The following FYTTD1 variants were observed in gnomAD, a reference collection of about 807,000 sequenced individuals.
The protein encoded by FYTTD1 is UAP56-interacting factor.
In FYTTD1, 22 loss-of-function variants were observed where a neutral mutation model predicts 40.9. The observed-to-expected ratio is 0.54, with a 90% CI of 0.38 to 0.77. The LOEUF (loss-of-function observed/expected upper bound fraction) is 0.77, where lower values mean the gene tolerates loss of function less well. Among genes scored for constraint, FYTTD1 ranks in the 30% least tolerant of loss-of-function variants. FYTTD1 has a pLI of 0.00. For synonymous variants in FYTTD1, 140 were observed against 137.9 expected, an observed-to-expected ratio of 1.01 and a Z score of -0.10; for missense variants, 351 against 392.2, an observed-to-expected ratio of 0.90 and a Z score of 0.89.
At chr3:197,781,206 C>T (rs1032907597) in intron 8 of FYTTD1, among the ~76,000 whole-genome samples, 6 of 151,438 alleles carry the variant, frequency 4.0e-5, no homozygotes, top group East Asian at 1.9e-4. Flanking sequence ...CCCAGCTACT[C>T]GGGAGGCTGA....
chr3:197,758,883 G>A (rs932950759), intron 2 of FYTTD1, among the ~76,000 whole-genome samples: 4 of 152,188 alleles, frequency 2.6e-5, no homozygotes, highest in South Asian at 2.1e-4. Context: ...GCAGATCCGC[G>A]GTATGATTTC....
At chr3:197,753,384 A>G (rs1327601682) in intron 1 of FYTTD1, among the ~76,000 whole-genome samples, 2 of 152,216 alleles carry the variant, frequency 1.3e-5, no homozygotes, top group East Asian at 3.8e-4. Context: ...TTAAGTGAAT[A>G]CATGTCAGAA....
chr3:197,776,236 C>T lies in FYTTD1; in HGVS notation c.657-691C>T, dbSNP rs1193319125. Among the ~76,000 whole-genome samples the T allele has an allele frequency of 8.2e-5, 12 of 146,744 alleles. No individual in the cohort carries two copies. The East Asian group carries it at 9.9e-4, about 12-fold the overall frequency. On this transcript the variant is annotated intron_variant, in intron 6 of 8. Coordinates refer to ENST00000241502, the MANE Select transcript of FYTTD1 (RefSeq NM_032288.7). ...TTTTTTTTTTTTTGAGATGGAGTCT[C>T]GCTCTGTTGCCCAGGCTGGAGCGCA...
chr3:197,765,131 G>A (rs932360848), intron 2 of FYTTD1, among the ~76,000 whole-genome samples: 1 of 152,114 alleles, frequency 6.6e-6, no homozygotes, highest in Non-Finnish European at 1.5e-5. Flanking sequence ...GGAATTACAG[G>A]CGTGAGCCAC....
In FYTTD1 at chr3:197,770,209, A is replaced by G. The variant is rs753143947; in HGVS notation, c.462A>G (p.Val154=). 2.5e-6 allele frequency: 4 copies of G among 1,612,532 alleles called. No individual in the cohort carries two copies. In the East Asian group the frequency reaches 8.9e-5, roughly 36 times the overall value. Residue 154 remains valine (V), a synonymous_variant, in exon 4 of 9, where the codon GTA becomes GTG. Transcript: ENST00000241502. ...AAAATGAAGGGCAGAGGAAACCAGT[A>G]GCAGTTCTCAAGAGACCTAGCCAGC... ...LRQNEGQRKP[V]AVLKRPSQLS...
intron 2 of FYTTD1, among the ~76,000 whole-genome samples, chr3:197,758,493 G>A (rs1226164951): frequency 6.6e-6 from 1 of 152,180 alleles, no homozygotes; most frequent in Admixed American, 6.5e-5. Flanking sequence ...TGTTGTAAGA[G>A]AAATTCAAAT....
At chr3:197,765,804 G>C (rs1184381455) in intron 2 of FYTTD1, among the ~76,000 whole-genome samples, 1 of 151,932 alleles carries the variant, frequency 6.6e-6, no homozygotes. Flanking sequence ...AGACTATCCT[G>C]GCTAACACAG....
intron 1 of FYTTD1, 139 bp downstream of exon 1, chr3:197,750,213 C>T (rs1407712550): frequency 2.4e-5 from 20 of 835,828 alleles, no homozygotes; most frequent in East Asian, 3.4e-5. Flanking sequence ...CGAGCGGAGG[C>T]CCGGAGGACA....
At chr3:197,768,408 G>T in intron 2 of FYTTD1, 31 bp from the exon 3 acceptor site, 1 of 1,505,808 alleles carries the variant, frequency 6.6e-7, no homozygotes, top group South Asian at 1.3e-5. Context: ...TTGTTAAATT[G>T]ACATTTTCTT....
chr3:197,762,338 C>T (rs112716031), intron 2 of FYTTD1, among the ~76,000 whole-genome samples: 9,691 of 152,008 alleles, frequency 0.064, 651 homozygotes, highest in African/African-American at 0.17. Context: ...CGCCTGTAAT[C>T]CCAGCACTTT....
At chr3:197,758,144 C>G (rs898558342) in intron 2 of FYTTD1, among the ~76,000 whole-genome samples, 2 of 151,408 alleles carry the variant, frequency 1.3e-5, no homozygotes, top group East Asian at 3.9e-4. Flanking sequence ...CTCAGGTGAT[C>G]CACCTGCCTC....
At position 197,768,512 on chromosome 3, in the gene FYTTD1, T is replaced by G; in HGVS notation, c.309T>G (p.Thr103=). Residue 103 remains threonine (T), a synonymous_variant, in exon 3 of 9, where the codon ACT becomes ACG. Coordinates refer to ENST00000241502, the MANE Select transcript of FYTTD1 (RefSeq NM_032288.7). ...AGAGACGTCCTAATGGAGTTATCAC[T>G]GGCCTTGCAGCTAGGAAAACGACTG... ...PGKRRPNGVI[T]GLAARKTTGI... 6.2e-7 allele frequency: 1 copy of G among 1,613,446 alleles called. No individual in the cohort carries two copies. Among genetic ancestry groups the G allele is most frequent in the East Asian group, 2.2e-5 (1 of 44,848 alleles).
At chr3:197,750,203 C>A in intron 1 of FYTTD1, 129 bp downstream of exon 1, 1 of 859,956 alleles carries the variant, frequency 1.2e-6, no homozygotes, top group Non-Finnish European at 1.7e-6. Context: ...TGGGCGGACC[C>A]GAGCGGAGGC....
At chr3:197,778,819 G>A (rs148920293) in intron 8 of FYTTD1, among the ~76,000 whole-genome samples, 28 of 152,174 alleles carry the variant, frequency 1.8e-4, no homozygotes, top group African/African-American at 5.8e-4. Flanking sequence ...TTCAGTCCTC[G>A]GATATTAGGA....
intron 7 of FYTTD1, among the ~76,000 whole-genome samples, chr3:197,777,898 A>G (rs1378214090): frequency 6.6e-6 from 1 of 151,554 alleles, no homozygotes; most frequent in African/African-American, 2.4e-5. Context: ...TTTTGTACAG[A>G]TGGGGGTCTT....
At chr3:197,761,046 G>GGTAGAATGTATAGAGTTGTTCTTCAATA in intron 2 of FYTTD1, among the ~76,000 whole-genome samples, 1 of 147,526 alleles carries the variant, frequency 6.8e-6, no homozygotes, top group African/African-American at 2.6e-5. Flanking sequence ...GTTCTTCAGT[G>GGTAGAATGTATAGAGTTGTTCTTCAATA]GTAGAATGTA....
intron 4 of FYTTD1, among the ~76,000 whole-genome samples, chr3:197,772,100 A>G (rs1453148392): frequency 6.6e-6 from 1 of 152,196 alleles, no homozygotes; most frequent in Non-Finnish European, 1.5e-5. Context: ...TCAAAAAAAT[A>G]AAAATAAAAA....
intron 2 of FYTTD1, among the ~76,000 whole-genome samples, chr3:197,764,202 G>A (rs1729471943): frequency 6.6e-6 from 1 of 152,218 alleles, no homozygotes; most frequent in Non-Finnish European, 1.5e-5. Flanking sequence ...GAAGTCTTTA[G>A]TACCCCTTCA....
At chr3:197,764,925 G>A (rs1259106906) in intron 2 of FYTTD1, among the ~76,000 whole-genome samples, 1 of 150,512 alleles carries the variant, frequency 6.6e-6, no homozygotes, top group Non-Finnish European at 1.5e-5. Flanking sequence ...ATCTTGGCTC[G>A]TTGCAACCTC....
Sources: gnomAD v4.1 joint callset for allele counts (sites outside exome capture counted in the v4.1 genomes callset) on GRCh38, gnomAD v4.1.1 for gene constraint, MANE v1.5 for transcripts, NCBI Gene and HGNC (gene_info 2026-07-23, HGNC 2026-07-21) for gene names.